Variants in SEC63 observed in about 807,000 individuals in gnomAD.
The protein encoded by SEC63 is translocation protein SEC63 homolog.
Under a neutral mutation model 116.2 loss-of-function variants are expected in SEC63, and 56 were observed. That is an observed-to-expected ratio of 0.48 (90% CI 0.39 to 0.60). The LOEUF (loss-of-function observed/expected upper bound fraction) is 0.60, where lower values mean the gene tolerates loss of function less well. Ranked by LOEUF, SEC63 falls within the 20% of genes least tolerant of loss-of-function variation. The pLI is 0.00. For synonymous variants in SEC63, 273 were observed against 294.6 expected (o/e 0.93, Z 0.75); for missense variants, 668 against 900.0 (o/e 0.74, Z 3.30).
intron 16 of SEC63, among the ~76,000 whole-genome samples, chr6:107,886,323 T>C (rs1397461638): frequency 6.6e-6 from 1 of 152,214 alleles, no homozygotes; most frequent in African/African-American, 2.4e-5. Flanking sequence ...TAAACATACA[T>C]CTGTATGTGT....
intron 18 of SEC63, among the ~76,000 whole-genome samples, chr6:107,879,300 A>T (rs1265644843): frequency 6.6e-6 from 1 of 150,802 alleles, no homozygotes; most frequent in Non-Finnish European, 1.5e-5. Context: ...AGTAGCTGGG[A>T]TTATAGGCAC....
chr6:107,948,205 A>G (rs552813628), intron 1 of SEC63, among the ~76,000 whole-genome samples: 1 of 152,246 alleles, frequency 6.6e-6, no homozygotes, highest in African/African-American at 2.4e-5. Context: ...ACCTTCCACT[A>G]GCCATTTTAA....
At chr6:107,878,753 G>A (rs559803494) in intron 18 of SEC63, among the ~76,000 whole-genome samples, 1 of 152,254 alleles carries the variant, frequency 6.6e-6, no homozygotes, top group African/African-American at 2.4e-5. Flanking sequence ...TACTCGAGAG[G>A]CTGAGGTGGG....
chr6:107,880,276 G>T (rs977449272), intron 18 of SEC63, among the ~76,000 whole-genome samples: 4 of 152,204 alleles, frequency 2.6e-5, no homozygotes, highest in African/African-American at 7.2e-5. Context: ...ACTCTAGATT[G>T]ACATCCTCGA....
In SEC63 at chr6:107,908,915, A is replaced by G; in HGVS notation, c.733+12T>C. 1.3e-6 allele frequency: 2 copies of G among 1,508,610 alleles called. No homozygotes were observed. Among genetic ancestry groups the G allele is most frequent in the Non-Finnish European group, 1.8e-6 (2 of 1,085,642 alleles). 93.5% of individuals were successfully genotyped at this position (1,508,610 alleles called of 1,614,324 possible). ...ATGTGATTAATAGCAAAGTTACTTA[A>G]AGTTTACTTACGTTTCATATCCATA... On this transcript the variant is annotated intron_variant, in intron 8 of 20. Coordinates refer to ENST00000369002, the MANE Select transcript of SEC63 (RefSeq NM_007214.5).
At chr6:107,884,534 A>G (rs2114409808) in intron 16 of SEC63, among the ~76,000 whole-genome samples, 1 of 152,278 alleles carries the variant, frequency 6.6e-6, no homozygotes, top group Admixed American at 6.5e-5. Context: ...AGAAAAATGC[A>G]GAATATATAT....
At chr6:107,943,549 T>C (rs1419549128) in intron 1 of SEC63, among the ~76,000 whole-genome samples, 1 of 152,206 alleles carries the variant, frequency 6.6e-6, no homozygotes, top group African/African-American at 2.4e-5. Context: ...ACCTACATAG[T>C]TCAAACCCAT....
intron 1 of SEC63, among the ~76,000 whole-genome samples, chr6:107,938,247 A>AT (rs4028676): frequency 0.019 from 2,575 of 133,906 alleles, 109 homozygotes; most frequent in African/African-American, 0.064. Context: ...TGGTGAGTTA[A>AT]TTTTTTTTTT....
Position 107,871,667 on chromosome 6 carries a change from A to C in SEC63, c.*37T>G, listed in dbSNP as rs1199345227. The C allele has an allele frequency of 6.2e-7, 1 of 1,609,496 alleles. No individual in the cohort carries two copies. Among genetic ancestry groups the C allele is most frequent in the Non-Finnish European group, 8.5e-7 (1 of 1,178,362 alleles). ...ACTTCCAAAACAGCAAAAAATTGCAAATATGTGCAAACACTGTGGTCCATT... is the reference window on the plus strand; with the variant it reads ...ACTTCCAAAACAGCAAAAAATTGCACATATGTGCAAACACTGTGGTCCATT... On this transcript the variant is annotated 3_prime_UTR_variant, in exon 21 of 21. Coordinates refer to ENST00000369002, the MANE Select transcript of SEC63 (RefSeq NM_007214.5).
intron 2 of SEC63, among the ~76,000 whole-genome samples, chr6:107,926,894 C>T (rs1787687738): frequency 6.6e-6 from 1 of 152,136 alleles, no homozygotes; most frequent in Admixed American, 6.5e-5. Context: ...TGAAAATTAC[C>T]ACAACCAATA....
At chr6:107,906,965 T>C (rs1052368104) in intron 8 of SEC63, among the ~76,000 whole-genome samples, 188 bp from the exon 9 acceptor site, 2 of 152,180 alleles carry the variant, frequency 1.3e-5, no homozygotes, top group African/African-American at 2.4e-5. Flanking sequence ...TTTTAAAATG[T>C]ACACAGTATC....
chr6:107,910,374 G>A (rs1787247987), intron 7 of SEC63, among the ~76,000 whole-genome samples: 1 of 152,188 alleles, frequency 6.6e-6, no homozygotes, highest in African/African-American at 2.4e-5. Flanking sequence ...GGCTGAGGTG[G>A]GAGGATTTGC....
At position 107,871,856 on chromosome 6, in the gene SEC63, A is replaced by T. The variant is rs1284364964; in HGVS notation, c.2140-9T>A. ...GCCTCATGAACTTCCAACTAGAAAGAAGAATTAAATGTAGACATCAGAAAT... is the reference window on the plus strand; with the variant it reads ...GCCTCATGAACTTCCAACTAGAAAGTAGAATTAAATGTAGACATCAGAAAT... On this transcript the variant is annotated splice_polypyrimidine_tract_variant and intron_variant, in intron 20 of 20. Transcript: ENST00000369002. 6.2e-7 allele frequency: 1 copy of T among 1,613,148 alleles called. No individual in the cohort carries two copies. Among genetic ancestry groups the T allele is most frequent in the Non-Finnish European group, 8.5e-7 (1 of 1,179,664 alleles).
rs1446524288 is a variant in SEC63, at chr6:107,870,674, C to A, written c.*1030G>T. Reference sequence around the variant, plus strand: ...TAGCAGTCACTTTAGCAGTAATGTACAATACTATTCAATCTTTAGTTGAAA... The same window carrying A: ...TAGCAGTCACTTTAGCAGTAATGTAAAATACTATTCAATCTTTAGTTGAAA... On this transcript the variant is annotated 3_prime_UTR_variant, in exon 21 of 21. Transcript: ENST00000369002. The A allele has an allele frequency of 6.6e-6, 1 of 152,096 alleles. No individual in the cohort carries two copies. The highest frequency in any genetic ancestry group is 1.5e-5 in the Non-Finnish European group (1 of 68,012). 9.4% of individuals were successfully genotyped at this position (152,096 alleles called of 1,614,324 possible).
chr6:107,880,818 G>C (rs1786397669), intron 18 of SEC63: 2 of 216,096 alleles, frequency 9.3e-6, no homozygotes, highest in South Asian at 1.6e-4. Context: ...AGTATTCAAA[G>C]GCAAAATATG....
At chr6:107,876,168 C>A (rs921560879) in intron 19 of SEC63, among the ~76,000 whole-genome samples, 3 of 152,134 alleles carry the variant, frequency 2.0e-5, no homozygotes, top group Admixed American at 2.0e-4. Context: ...ACCACGTAAT[C>A]AAAAATTCCA....
intron 1 of SEC63, among the ~76,000 whole-genome samples, chr6:107,945,700 T>C (rs1190558304): frequency 6.6e-6 from 1 of 152,076 alleles, no homozygotes; most frequent in Non-Finnish European, 1.5e-5. Context: ...TAAAGTCTGG[T>C]AATAATAGGA....
At chr6:107,948,349 G>A (rs1266185251) in intron 1 of SEC63, among the ~76,000 whole-genome samples, 1 of 152,146 alleles carries the variant, frequency 6.6e-6, no homozygotes, top group Non-Finnish European at 1.5e-5. Context: ...ATGACTTTAG[G>A]AAAGTTGGTA....
chr6:107,891,394 G>A lies in SEC63; in HGVS notation c.1674+2088C>T, dbSNP rs141100128. Among the ~76,000 whole-genome samples the A allele has an allele frequency of 2.0e-3, 301 of 151,854 alleles. 2 individuals carry two copies. The highest frequency in any genetic ancestry group is 0.013 in the East Asian group (68 of 5,138). ...CTTGTGTATGCTTCACGAAGTTCTCGTGCTGTGTTTTCCAGCTCCATCAGG... is the reference window on the plus strand; with the variant it reads ...CTTGTGTATGCTTCACGAAGTTCTCATGCTGTGTTTTCCAGCTCCATCAGG... On this transcript the variant is annotated intron_variant, in intron 16 of 20. Coordinates refer to ENST00000369002, the MANE Select transcript of SEC63 (RefSeq NM_007214.5).
Sources: allele counts gnomAD v4.1 joint callset (sites outside exome capture counted in the v4.1 genomes callset), GRCh38; gene constraint gnomAD v4.1.1; transcripts MANE v1.5; gene names NCBI Gene and HGNC (gene_info 2026-07-23, HGNC 2026-07-21).